Variants in PGAM5 observed in about 807,000 individuals in gnomAD.
The protein encoded by PGAM5 is serine/threonine-protein phosphatase PGAM5, mitochondrial.
Under a neutral mutation model 30.6 loss-of-function variants are expected in PGAM5, and 25 were observed. The ratio of observed to expected loss-of-function variants is 0.82; its 90% CI spans 0.60 to 1.14. The LOEUF (loss-of-function observed/expected upper bound fraction) is 1.14. Ranked by LOEUF, PGAM5 falls within the 50% of genes most tolerant of loss-of-function variation. PGAM5 has a pLI of 0.00. For missense variants in PGAM5, 384 were observed against 408.5 expected (o/e 0.94, Z 0.52); for synonymous variants, 201 against 179.1 (o/e 1.12, Z -0.98).
At chr12:132,718,261 G>A (rs1022706945) in intron 5 of PGAM5, 141 bp downstream of exon 5, 23 of 1,083,386 alleles carry the variant, frequency 2.1e-5, no homozygotes, top group Admixed American at 1.2e-4. Context: ...TCCACTTCCC[G>A]CGAGTCCTAG....
At chr12:132,715,120 G>A in intron 2 of PGAM5, 84 bp downstream of exon 2, 1 of 1,393,712 alleles carries the variant, frequency 7.2e-7, no homozygotes, top group South Asian at 1.4e-5. Context: ...TTATGTGACT[G>A]GGTGCAGGTC....
intron 1 of PGAM5, among the ~76,000 whole-genome samples, chr12:132,713,362 G>A (rs547789556): frequency 8.3e-4 from 127 of 152,274 alleles, no homozygotes; most frequent in African/African-American, 2.1e-3. Context: ...AGTCTCACCT[G>A]TCCACACTTG....
chr12:132,712,344 T>A (rs1365468245), intron 1 of PGAM5, among the ~76,000 whole-genome samples: 1 of 152,236 alleles, frequency 6.6e-6, no homozygotes, highest in Non-Finnish European at 1.5e-5. Context: ...GTTTTGATGA[T>A]CATGAGTGTT....
At chr12:132,717,317 T>G in intron 2 of PGAM5, 122 bp from the exon 3 acceptor site, 6 of 1,074,232 alleles carry the variant, frequency 5.6e-6, no homozygotes, top group East Asian at 3.3e-5. Context: ...GGAGGGGGTG[T>G]TTGCGGGCGG....
intron 5 of PGAM5, among the ~76,000 whole-genome samples, chr12:132,719,537 A>G (rs1011262825): frequency 1.3e-5 from 2 of 152,146 alleles, no homozygotes; most frequent in Non-Finnish European, 2.9e-5. Context: ...GTGCTTGTGA[A>G]TGAGCCATAT....
chr12:132,718,637 G>C (rs1317646405), intron 5 of PGAM5: 5 of 959,262 alleles, frequency 5.2e-6, no homozygotes, highest in Non-Finnish European at 7.8e-6. Flanking sequence ...TGGGTGGGGG[G>C]TCCTGGGTAC....
Position 132,718,137 on chromosome 12 carries a change from C to T in PGAM5, c.719+17C>T. On this transcript the variant is annotated intron_variant, in intron 5 of 5. Transcript: ENST00000498926. ...CGTGTGCAGGTAGGCAGCTGCTGGG[C>T]TGGGCGTGGTCTAAAATAATTTCAG... 6.2e-7 allele frequency: 1 copy of T among 1,612,222 alleles called. No homozygotes were observed. The highest frequency in any genetic ancestry group is 8.5e-7 in the Non-Finnish European group (1 of 1,179,814).
At chr12:132,715,292 C>T (rs918799857) in intron 2 of PGAM5, among the ~76,000 whole-genome samples, 6 of 152,210 alleles carry the variant, frequency 3.9e-5, no homozygotes, top group South Asian at 4.1e-4. Context: ...TTACCTTGGC[C>T]GGGCGCGGTG....
chr12:132,719,822 C>T (rs187890434), intron 5 of PGAM5, among the ~76,000 whole-genome samples: 26 of 152,264 alleles, frequency 1.7e-4, no homozygotes, highest in Middle Eastern at 3.4e-3. Context: ...GGCTCAGAGG[C>T]GATGAAGGCA....
chr12:132,721,332 G>T lies in PGAM5; in HGVS notation c.*504G>T. 6.6e-6 allele frequency: 1 copy of T among 152,636 alleles called. No homozygotes were observed. The highest frequency in any genetic ancestry group is 1.5e-5 in the Non-Finnish European group (1 of 68,268). 9.5% of individuals were successfully genotyped at this position (152,636 alleles called of 1,614,324 possible). A position where few individuals can be genotyped will look rare whatever the true frequency, so the allele number is the denominator to read the frequency against. On this transcript the variant is annotated 3_prime_UTR_variant, in exon 6 of 6. Coordinates refer to ENST00000498926, the MANE Select transcript of PGAM5 (RefSeq NM_001170543.2). ...TGGCTGGGCACAGTGGCTCACACCT[G>T]TATTCCCAGCTACTCAGGAGGCCAG...
intron 1 of PGAM5, chr12:132,714,651 G>A (rs1278329507): frequency 2.1e-5 from 12 of 562,352 alleles, no homozygotes; most frequent in South Asian, 4.3e-5. Flanking sequence ...GCTCTCCAGC[G>A]CATCACTCAG....
At position 132,718,010 on chromosome 12, in the gene PGAM5, G is replaced by A. The variant is rs1424418827; in HGVS notation, c.609G>A (p.Arg203=). 9.3e-6 allele frequency: 15 copies of A among 1,612,666 alleles called. No individual in the cohort carries two copies. Among genetic ancestry groups the A allele is most frequent in the Admixed American group, 3.3e-5 (2 of 60,000 alleles). Residue 203 remains arginine, a synonymous_variant, in exon 5 of 6, where the codon CGG becomes CGA. Coordinates refer to ENST00000498926, the MANE Select transcript of PGAM5 (RefSeq NM_001170543.2). The part of the protein sequence containing the change: ...EAVQYYEDGA[R]IEAAFRNYIH... ...AGCAGTATTACGAAGACGGAGCCCG[G>A]ATCGAGGCCGCCTTCCGGAACTACA...
chr12:132,720,938 G>C lies in PGAM5; in HGVS notation c.*110G>C, dbSNP rs988889077. ...TAGAAACCTGCAATGCTGCATCTGG[G>C]AACTGACTTGTGACCAGGCTGAGAA... On this transcript the variant is annotated 3_prime_UTR_variant, in exon 6 of 6. Transcript: ENST00000498926. 1.3e-5 allele frequency: 17 copies of C among 1,323,624 alleles called. No individual in the cohort carries two copies. Among genetic ancestry groups the C allele is most frequent in the Non-Finnish European group, 1.7e-5 (17 of 989,804 alleles). The allele number at this position is 1,323,624 out of a possible 1,614,324, so 82.0% of individuals were successfully genotyped here.
chr12:132,717,610 T>C, intron 3 of PGAM5, 46 bp downstream of exon 3: 3 of 1,603,884 alleles, frequency 1.9e-6, no homozygotes, highest in Non-Finnish European at 1.7e-6. Flanking sequence ...AGTGGGCGGC[T>C]CGTGGCAGGG....
intron 5 of PGAM5, among the ~76,000 whole-genome samples, chr12:132,720,369 G>C (rs918454661): frequency 2.7e-5 from 4 of 150,770 alleles, no homozygotes; most frequent in Admixed American, 6.6e-5. Flanking sequence ...GTGCAGTGGC[G>C]CGATCTCAGC....
At chr12:132,713,251 G>A (rs1205671883) in intron 1 of PGAM5, among the ~76,000 whole-genome samples, 1 of 152,198 alleles carries the variant, frequency 6.6e-6, no homozygotes, top group Non-Finnish European at 1.5e-5. Context: ...TGTCATGTCT[G>A]GGGAGAAGTG....
intron 1 of PGAM5, among the ~76,000 whole-genome samples, chr12:132,712,736 A>T (rs2043535161): frequency 6.6e-6 from 1 of 151,848 alleles, no homozygotes; most frequent in Admixed American, 6.6e-5. Flanking sequence ...GATTACAGGC[A>T]TGAGCCACCA....
intron 1 of PGAM5, chr12:132,714,620 A>G (rs1208290276): frequency 2.1e-6 from 1 of 474,714 alleles, no homozygotes; most frequent in East Asian, 3.7e-5. Flanking sequence ...GAAGATGCAC[A>G]GGGCTTTGCT....
chr12:132,717,263 TTGCTGAGCTTGC>T (rs962766398), intron 2 of PGAM5, among the ~76,000 whole-genome samples, 164 bp from the exon 3 acceptor site: 1 of 137,430 alleles, frequency 7.3e-6, no homozygotes, highest in African/African-American at 2.9e-5. Context: ...TCGGCTGAGC[TTGCTGAGCTTGC>T]TGCCTGATCA....
Sources: allele counts gnomAD v4.1 joint callset (sites outside exome capture counted in the v4.1 genomes callset), GRCh38; gene constraint gnomAD v4.1.1; transcripts MANE v1.5; gene names NCBI Gene and HGNC (gene_info 2026-07-23, HGNC 2026-07-21).